EMC10: variants seen among roughly 807,000 people sequenced by gnomAD.
EMC10 encodes ER membrane protein complex subunit 10, also known as UPF0510 protein INM02.
In EMC10, 40 loss-of-function variants were observed where a neutral mutation model predicts 32.2. That is an observed-to-expected ratio of 1.24 (90% CI 0.96 to 1.61). The LOEUF is 1.61. Among genes scored for constraint, EMC10 ranks in the 40% most tolerant of loss-of-function variants. The pLI is 0.00. For synonymous variants in EMC10, 178 were observed against 158.4 expected (o/e 1.12, Z -0.93); for missense variants, 402 against 357.7 (o/e 1.12, Z -1.00).
In EMC10 at chr19:50,479,064, CG is replaced by C; in HGVS notation, c.297+1del. 1.2e-6 allele frequency: 2 copies of C among 1,600,674 alleles called. No individual in the cohort carries two copies. Among genetic ancestry groups the C allele is most frequent in the Non-Finnish European group, 1.7e-6 (2 of 1,174,634 alleles). ...QLSEEERGRL[R>X]DVAALNGLYR... Reference sequence around the variant, plus strand: ...CAGCGAGGAGGAGCGGGGCCGACTCCGGGTGAGGTGGGGCCCTCAGGGCTGG... The same window carrying C: ...CAGCGAGGAGGAGCGGGGCCGACTCCGGTGAGGTGGGGCCCTCAGGGCTGG... On this transcript the variant is annotated frameshift_variant and splice_region_variant, in exon 3 of 7. Transcript: ENST00000334976. LOFTEE classifies it high-confidence loss of function.
rs2040364505 is a variant in EMC10, at chr19:50,484,108, ACC to A, written c.*1850_*1851del. On this transcript the variant is annotated 3_prime_UTR_variant, in exon 7 of 7. Coordinates refer to ENST00000334976, the MANE Select transcript of EMC10 (RefSeq NM_206538.4). ...AATGGCACGATCTCAGCTCACTGCA[ACC>A]TCCGCTTCCTGAGTTTAAGCGATTC... 7.3e-6 allele frequency: 1 copy of A among 137,068 alleles called. No individual in the cohort carries two copies. Among genetic ancestry groups the A allele is most frequent in the African/African-American group, 2.8e-5 (1 of 35,544 alleles). The allele number at this position is 137,068 out of a possible 1,614,324, so 8.5% of individuals were successfully genotyped here.
In EMC10 at chr19:50,482,553, A is replaced by G. The variant is rs1568687994; in HGVS notation, c.*294A>G. 1 of 540,168 alleles carries G rather than the reference A, an allele frequency of 1.9e-6. No individual in the cohort carries two copies. Among genetic ancestry groups the G allele is most frequent in the Non-Finnish European group, 3.3e-6 (1 of 307,656 alleles). 33.5% of individuals were successfully genotyped at this position (540,168 alleles called of 1,614,324 possible). ...AGTAGAGCCCGAGATCCTGGCCACT[A>G]TGCCAGTTCTGACCTCGCATCCCCC... On this transcript the variant is annotated 3_prime_UTR_variant, in exon 7 of 7. Coordinates refer to ENST00000334976, the MANE Select transcript of EMC10 (RefSeq NM_206538.4).
chr19:50,480,974 A>G lies in EMC10; in HGVS notation c.675A>G (p.Lys225=). The change falls in exon 6 of 7, where the codon AAA becomes AAG. Residue 225 remains lysine (K), a synonymous_variant. Transcript: ENST00000334976. The surrounding 1 kb of genome is among the most constrained non-coding windows in gnomAD (Gnocchi z 4.4). ...AGGAGCAGAAGTCCTTCTTCGCCAA[A>G]TACGTGAGTGGGGCTCCCCCGCCTC... is the stretch of plus-strand genomic sequence containing the variant. ...NPQEQKSFFA[K]YWMYIIPVVL... 4.3e-6 allele frequency: 7 copies of G among 1,610,308 alleles called. No homozygotes were observed. Among genetic ancestry groups the G allele is most frequent in the Non-Finnish European group, 5.9e-6 (7 of 1,177,470 alleles).
intron 6 of EMC10, 78 bp downstream of exon 6, chr19:50,481,055 C>A: frequency 1.7e-6 from 2 of 1,158,840 alleles, no homozygotes; most frequent in Non-Finnish European, 2.5e-6. Context: ...TGCTCCCACC[C>A]AGACTCCCCT....
rs1413396034 is a variant in EMC10, at chr19:50,488,870, CAG to C, written c.*6616_*6617del. Reference sequence around the variant, plus strand: ...GAAGTGAGAAAAAGGAGGGTGGCCACAGAGAGGACAGCGAGAAAAAGAGAACA... The same window carrying C: ...GAAGTGAGAAAAAGGAGGGTGGCCACAGAGGACAGCGAGAAAAAGAGAACA... On this transcript the variant is annotated 3_prime_UTR_variant, in exon 7 of 7. Coordinates refer to ENST00000334976, the MANE Select transcript of EMC10 (RefSeq NM_206538.4). 6.9e-6 allele frequency: 1 copy of C among 145,606 alleles called. No homozygotes were observed. The allele number at this position is 145,606 out of a possible 1,614,324, so 9.0% of individuals were successfully genotyped here. A position where few individuals can be genotyped will look rare whatever the true frequency, so the allele number is the denominator to read the frequency against.
In EMC10 at chr19:50,480,968, C is replaced by T. The variant is rs766834639; in HGVS notation, c.669C>T (p.Phe223=). ...AKNPQEQKSF[F]AKYWMYIIPV... Reference sequence around the variant, plus strand: ...ACCCCCAGGAGCAGAAGTCCTTCTTCGCCAAATACGTGAGTGGGGCTCCCC... The same window carrying T: ...ACCCCCAGGAGCAGAAGTCCTTCTTTGCCAAATACGTGAGTGGGGCTCCCC... The change falls in exon 6 of 7, where the codon TTC becomes TTT. Residue 223 remains phenylalanine, a synonymous_variant. Coordinates refer to ENST00000334976, the MANE Select transcript of EMC10 (RefSeq NM_206538.4). This position sits in a 1 kb window ranked among gnomAD's most constrained non-coding sequence, Gnocchi z 4.4. The T allele has an allele frequency of 8.8e-5, 141 of 1,611,054 alleles. No individual in the cohort carries two copies. The highest frequency in any genetic ancestry group is 4.4e-5 in the South Asian group (4 of 90,934).
At position 50,483,432 on chromosome 19, in the gene EMC10, G is replaced by A. The variant is rs544107873; in HGVS notation, c.*1173G>A. 1 of 174,936 alleles carries A rather than the reference G, an allele frequency of 5.7e-6. No individual in the cohort carries two copies. Among genetic ancestry groups the A allele is most frequent in the Admixed American group, 6.3e-5 (1 of 15,806 alleles). The allele number at this position is 174,936 out of a possible 1,614,324, so 10.8% of individuals were successfully genotyped here. A position where few individuals can be genotyped will look rare whatever the true frequency, so the allele number is the denominator to read the frequency against. On this transcript the variant is annotated 3_prime_UTR_variant, in exon 7 of 7. Transcript: ENST00000334976. ...AGTCTCTCTTGGGTGTGGTTTGAAT[G>A]ATCTCGGGATGCATGACTAAAATGG... is the stretch of plus-strand genomic sequence containing the variant.
chr19:50,486,855 C>G lies in EMC10; in HGVS notation c.*4596C>G, dbSNP rs1039134340. The stretch of plus-strand genomic sequence containing the variant: ...TATATTGATTAGGAGTAAAAATGTT[C>G]ATTTTTACAAAATATTACAACTTCT... On this transcript the variant is annotated 3_prime_UTR_variant, in exon 7 of 7. Transcript: ENST00000334976. 2.6e-5 allele frequency: 4 copies of G among 152,194 alleles called. No individual in the cohort carries two copies. In the South Asian group the frequency reaches 6.2e-4, roughly 24 times the overall value. 9.4% of individuals were successfully genotyped at this position (152,194 alleles called of 1,614,324 possible).
chr19:50,488,607 GGGAT>G lies in EMC10; in HGVS notation c.*6352_*6355del, dbSNP rs1427683480. ...GGGAGAGGGGGCCCCGGGAGAGGGA[GGGAT>G]GGAGGAGCGGGGAGCTCCAGCCAGA... On this transcript the variant is annotated 3_prime_UTR_variant, in exon 7 of 7. Transcript: ENST00000334976. 6.7e-6 allele frequency: 1 copy of G among 149,832 alleles called. No individual in the cohort carries two copies. The highest frequency in any genetic ancestry group is 1.5e-5 in the Non-Finnish European group (1 of 67,658). 9.3% of individuals were successfully genotyped at this position (149,832 alleles called of 1,614,324 possible). A position where few individuals can be genotyped will look rare whatever the true frequency, so the allele number is the denominator to read the frequency against.
intron 3 of EMC10, among the ~76,000 whole-genome samples, chr19:50,479,564 A>G (rs112233181): frequency 0.012 from 1,855 of 152,306 alleles, 37 homozygotes; most frequent in African/African-American, 0.043. Context: ...AAAGAGGGGC[A>G]GAAGGAGCAG....
Position 50,482,877 on chromosome 19 carries a change from C to T in EMC10, c.*618C>T, listed in dbSNP as rs1313831270. ...GGGGTCGTGGTTTGACATTTGTCTG[C>T]CTGGTGCAAACAAGGAATCCTTGCC... is the stretch of plus-strand genomic sequence containing the variant. On this transcript the variant is annotated 3_prime_UTR_variant, in exon 7 of 7. Coordinates refer to ENST00000334976, the MANE Select transcript of EMC10 (RefSeq NM_206538.4). The T allele has an allele frequency of 1.8e-6, 1 of 543,678 alleles. No homozygotes were observed. Among genetic ancestry groups the T allele is most frequent in the East Asian group, 3.0e-5 (1 of 32,824 alleles). 33.7% of individuals were successfully genotyped at this position (543,678 alleles called of 1,614,324 possible).
rs1423313667 is a variant in EMC10 at position 50,479,176 on chromosome 19, G to C, written c.297+110G>C. 5 of 793,594 alleles carry C rather than the reference G, an allele frequency of 6.3e-6. No individual in the cohort carries two copies. The Admixed American group carries it at 1.2e-4, about 19-fold the overall frequency. 49.2% of individuals were successfully genotyped at this position (793,594 alleles called of 1,614,324 possible). A position where few individuals can be genotyped will look rare whatever the true frequency, so the allele number is the denominator to read the frequency against. The stretch of plus-strand genomic sequence containing the variant: ...CAGCCTTCCCTCCAGGCCCAGGTGG[G>C]CTCCCAGCACCACCTGCCACTCTCA... On this transcript the variant is annotated intron_variant, in intron 3 of 6. Transcript: ENST00000334976.
intron 2 of EMC10, 75 bp downstream of exon 2, chr19:50,478,076 C>T (rs754884281): frequency 3.2e-6 from 4 of 1,261,106 alleles, no homozygotes; most frequent in South Asian, 1.4e-5. Context: ...GTCTGGGTGC[C>T]TCCCGTCGTA....
In EMC10 at chr19:50,480,876, T is replaced by G. The variant is rs539247639; in HGVS notation, c.585-8T>G. 6 of 1,597,598 alleles carry G rather than the reference T, an allele frequency of 3.8e-6. No homozygotes were observed. The African/African-American group carries it at 8.0e-5, about 21-fold the overall frequency. On this transcript the variant is annotated splice_polypyrimidine_tract_variant and splice_region_variant and intron_variant, in intron 5 of 6. Coordinates refer to ENST00000334976, the MANE Select transcript of EMC10 (RefSeq NM_206538.4). The surrounding 1 kb of genome is among the most constrained non-coding windows in gnomAD (Gnocchi z 4.4). ...CCTCACCCTTCTCCTCCTCTCCCCT[T>G]GCCCCAGCCCTGAGACGGCGGCCTT...
At position 50,488,311 on chromosome 19, in the gene EMC10, A is replaced by G. The variant is rs893773605; in HGVS notation, c.*6052A>G. The G allele has an allele frequency of 6.7e-6, 1 of 149,996 alleles. No individual in the cohort carries two copies. Among genetic ancestry groups the G allele is most frequent in the Non-Finnish European group, 1.5e-5 (1 of 67,846 alleles). 9.3% of individuals were successfully genotyped at this position (149,996 alleles called of 1,614,324 possible). A position where few individuals can be genotyped will look rare whatever the true frequency, so the allele number is the denominator to read the frequency against. ...ACTCCGTCTCAAAAAAAAAAAAAAAAAAAAAAAGAAAAGATGGCCAGAGCA... is the reference window on the plus strand; with the variant it reads ...ACTCCGTCTCAAAAAAAAAAAAAAAGAAAAAAAGAAAAGATGGCCAGAGCA... On this transcript the variant is annotated 3_prime_UTR_variant, in exon 7 of 7. Transcript: ENST00000334976.
rs372370242 is a variant in EMC10, at chr19:50,479,037, C to G, written c.268C>G (p.Leu90Val). ...TACCTTGTCCCTGTCACAGCGGCAG[C>G]TCAGCGAGGAGGAGCGGGGCCGACT... The part of the protein sequence containing the change: ...DGTLSLSQRQ[L>V]SEEERGRLRD... Residue 90 changes from leucine to valine, a missense_variant, in exon 3 of 7, where the codon CTC becomes GTC. By Grantham distance (32) the Leu-to-Val change is conservative. Transcript: ENST00000334976. The G allele has an allele frequency of 6.2e-7, 1 of 1,609,350 alleles. No individual in the cohort carries two copies. Among genetic ancestry groups the G allele is most frequent in the East Asian group, 2.2e-5 (1 of 44,746 alleles).
At chr19:50,482,065 G>C in intron 6 of EMC10, 84 bp from the exon 7 acceptor site, 1 of 1,412,954 alleles carries the variant, frequency 7.1e-7, no homozygotes, top group Non-Finnish European at 1.0e-6. Flanking sequence ...GGTCCCCACC[G>C]TGGGTGGGTG....
rs2040297840 is a variant in EMC10, at chr19:50,480,323, C to G, written c.402+108C>G. 2 of 1,202,326 alleles carry G rather than the reference C, an allele frequency of 1.7e-6. No individual in the cohort carries two copies. Among genetic ancestry groups the G allele is most frequent in the African/African-American group, 1.5e-5 (1 of 66,204 alleles). 74.5% of individuals were successfully genotyped at this position (1,202,326 alleles called of 1,614,324 possible). A position where few individuals can be genotyped will look rare whatever the true frequency, so the allele number is the denominator to read the frequency against. On this transcript the variant is annotated intron_variant, in intron 4 of 6. Transcript: ENST00000334976. This position sits in a 1 kb window ranked among gnomAD's most constrained non-coding sequence, Gnocchi z 4.4. ...CTGTGTTTCTGGAGCCCGCAGAGGC[C>G]TGGGAGACTCAGACCTGGCCTTGCC...
At position 50,480,770 on chromosome 19, in the gene EMC10, T is replaced by C. The variant is rs2122661549; in HGVS notation, c.584+8T>C. The stretch of plus-strand genomic sequence containing the variant: ...GCCCACCACAGCCCCAGGGTGAGCC[T>C]CTGCTGCCTTCGCGGCGCTCTTGCC... On this transcript the variant is annotated splice_region_variant and intron_variant, in intron 5 of 6. Transcript: ENST00000334976. The surrounding 1 kb of genome is among the most constrained non-coding windows in gnomAD (Gnocchi z 4.4). 1 of 1,578,268 alleles carries C rather than the reference T, an allele frequency of 6.3e-7. No homozygotes were observed. Among genetic ancestry groups the C allele is most frequent in the Non-Finnish European group, 8.6e-7 (1 of 1,160,616 alleles).
Sources: allele counts gnomAD v4.1 joint callset (sites outside exome capture counted in the v4.1 genomes callset), GRCh38; gene constraint gnomAD v4.1.1; non-coding constraint Gnocchi (gnomAD v3.1); transcripts MANE v1.5; gene names NCBI Gene and HGNC (gene_info 2026-07-23, HGNC 2026-07-21).